Variants in MGMT observed in about 807,000 individuals in gnomAD.
The protein encoded by MGMT is O-6-methylguanine-DNA methyltransferase.
A neutral mutation model predicts 15.9 loss-of-function variants in MGMT; 14 were observed. That is an observed-to-expected ratio of 0.88 (90% CI 0.58 to 1.37). MGMT has a LOEUF of 1.37. Among genes scored for constraint, MGMT ranks in the 40% most tolerant of loss-of-function variants. The pLI is 0.00. For missense variants in MGMT, 282 were observed against 268.1 expected (o/e 1.05, Z -0.36); for synonymous variants, 130 against 118.2 (o/e 1.10, Z -0.65).
chr10:129,476,785 C>T (rs1344403886), intron 1 of MGMT, among the ~76,000 whole-genome samples: 1 of 152,176 alleles, frequency 6.6e-6, no homozygotes, highest in Non-Finnish European at 1.5e-5. Context: ...CTCAGGGTGT[C>T]CTGCACGCCC....
At chr10:129,644,573 G>A (rs1161361108) in intron 2 of MGMT, among the ~76,000 whole-genome samples, 1 of 152,230 alleles carries the variant, frequency 6.6e-6, no homozygotes, top group Non-Finnish European at 1.5e-5. Flanking sequence ...GAGGCCTGGT[G>A]AGAGCCCGTG....
chr10:129,702,373 G>A (rs1200392727), intron 2 of MGMT, among the ~76,000 whole-genome samples: 4 of 152,168 alleles, frequency 2.6e-5, no homozygotes, highest in Admixed American at 6.5e-5. Context: ...CCATCCTCTC[G>A]TGCCAAGTCA....
At chr10:129,601,948 G>A (rs189445598) in intron 2 of MGMT, among the ~76,000 whole-genome samples, 22 of 152,258 alleles carry the variant, frequency 1.4e-4, no homozygotes, top group South Asian at 1.0e-3. Flanking sequence ...TCATTGGTCC[G>A]TGACCAACAA....
intron 2 of MGMT, among the ~76,000 whole-genome samples, chr10:129,537,635 A>T (rs1846000643): frequency 6.6e-6 from 1 of 152,228 alleles, no homozygotes; most frequent in African/African-American, 2.4e-5. Context: ...CAAAACAAAC[A>T]TTATAAGATA....
intron 2 of MGMT, among the ~76,000 whole-genome samples, chr10:129,572,666 C>T (rs532887057): frequency 2.7e-4 from 41 of 152,298 alleles, no homozygotes; most frequent in African/African-American, 9.6e-4. Context: ...AATCTTTCCA[C>T]TCAGTGTAGA....
intron 3 of MGMT, among the ~76,000 whole-genome samples, chr10:129,755,017 A>G (rs1055992966): frequency 2.0e-5 from 3 of 152,228 alleles, no homozygotes; most frequent in African/African-American, 7.2e-5. Flanking sequence ...CAACAGAGGG[A>G]TAACCCAGGA....
In MGMT at chr10:129,591,559, C is replaced by T. The variant is rs958946799; in HGVS notation, c.125+55182C>T. On this transcript the variant is annotated intron_variant, in intron 2 of 4. Transcript: ENST00000651593. ...GCTCTAGCTGGACCTAGATCCAGGCCAGGCCCCAGACCTCTGCAGCTGTCC... is the reference window on the plus strand; with the variant it reads ...GCTCTAGCTGGACCTAGATCCAGGCTAGGCCCCAGACCTCTGCAGCTGTCC... Among the ~76,000 whole-genome samples the T allele has an allele frequency of 3.9e-5, 6 of 152,206 alleles. 1 individual carries two copies. The highest frequency in any genetic ancestry group is 1.4e-4 in the African/African-American group (6 of 41,470).
intron 3 of MGMT, among the ~76,000 whole-genome samples, chr10:129,723,005 CAAAAAAAAAAA>C (rs3039560): frequency 3.3e-5 from 2 of 60,254 alleles, no homozygotes; most frequent in African/African-American, 6.7e-5. Flanking sequence ...GACTCTATCA[CAAAAAAAAAAA>C]AAAAAAAAAA....
At chr10:129,552,676 G>A (rs1354980755) in intron 2 of MGMT, among the ~76,000 whole-genome samples, 5 of 152,184 alleles carry the variant, frequency 3.3e-5, no homozygotes, top group South Asian at 2.1e-4. Flanking sequence ...TGCCTTGCCC[G>A]AGTTCCTGAG....
chr10:129,689,922 G>A (rs1847951092), intron 2 of MGMT, among the ~76,000 whole-genome samples: 1 of 152,228 alleles, frequency 6.6e-6, no homozygotes, highest in South Asian at 2.1e-4. Flanking sequence ...AATTAACTGA[G>A]TTGGCCATGT....
At chr10:129,599,631 C>G (rs1256454995) in intron 2 of MGMT, among the ~76,000 whole-genome samples, 3 of 152,176 alleles carry the variant, frequency 2.0e-5, no homozygotes, top group Non-Finnish European at 2.9e-5. Context: ...CTTCCCACCC[C>G]ACAGATAATA....
chr10:129,674,936 T>G (rs1847767404), intron 2 of MGMT, among the ~76,000 whole-genome samples: 1 of 152,176 alleles, frequency 6.6e-6, no homozygotes, highest in Non-Finnish European at 1.5e-5. Flanking sequence ...GGCTCAGTCG[T>G]AGCTGAGAGA....
chr10:129,737,125 G>A (rs1180430106), intron 3 of MGMT, among the ~76,000 whole-genome samples: 7 of 152,118 alleles, frequency 4.6e-5, no homozygotes, highest in Admixed American at 6.5e-5. Flanking sequence ...GATTGGGGAA[G>A]TTCTCCTGGA....
intron 3 of MGMT, among the ~76,000 whole-genome samples, chr10:129,737,160 A>C (rs1195130319): frequency 6.6e-6 from 1 of 152,166 alleles, no homozygotes; most frequent in Non-Finnish European, 1.5e-5. Context: ...GTGTTTTCCA[A>C]CTTGGTTCCA....
At chr10:129,560,998 T>TGTGTGTGTGTGTGTG (rs1564852420) in intron 2 of MGMT, among the ~76,000 whole-genome samples, 4 of 146,998 alleles carry the variant, frequency 2.7e-5, no homozygotes, top group Admixed American at 1.4e-4. Flanking sequence ...TGTGTGTGTG[T>TGTGTGTGTGTGTGTG]TCCTTTCCCA....
chr10:129,543,277 C>T (rs1178465025), intron 2 of MGMT, among the ~76,000 whole-genome samples: 5 of 126,204 alleles, frequency 4.0e-5, no homozygotes, highest in East Asian at 4.0e-4. Flanking sequence ...AAAACCCTGC[C>T]GTTGTGTGAT....
intron 3 of MGMT, among the ~76,000 whole-genome samples, chr10:129,747,289 T>C (rs895927775): frequency 3.9e-5 from 6 of 152,126 alleles, no homozygotes; most frequent in Admixed American, 3.9e-4. Context: ...CTCATCTTGC[T>C]TTTTTTGCAC....
At chr10:129,510,278 A>G (rs774485165) in intron 1 of MGMT, among the ~76,000 whole-genome samples, 2 of 152,240 alleles carry the variant, frequency 1.3e-5, no homozygotes, top group Non-Finnish European at 2.9e-5. Context: ...AGGAAGTTAC[A>G]TACCTTGGGG....
intron 2 of MGMT, among the ~76,000 whole-genome samples, chr10:129,576,965 AT>A (rs1846491046): frequency 6.6e-6 from 1 of 152,190 alleles, no homozygotes; most frequent in Admixed American, 6.5e-5. Context: ...ATACCTAGGA[AT>A]CCAACTTACA....
Sources: gnomAD v4.1 joint callset for allele counts (sites outside exome capture counted in the v4.1 genomes callset) on GRCh38, gnomAD v4.1.1 for gene constraint, MANE v1.5 for transcripts, NCBI Gene and HGNC (gene_info 2026-07-23, HGNC 2026-07-21) for gene names.